The following RNF111 variants were observed in gnomAD, a reference collection of about 807,000 sequenced individuals.
RNF111 encodes ring finger protein 111.
RNF111 carries 17 observed loss-of-function variants against 95.1 expected under a neutral mutation model. That is an observed-to-expected ratio of 0.18 (90% CI 0.12 to 0.27). The LOEUF (loss-of-function observed/expected upper bound fraction) is 0.27, where lower values mean the gene tolerates loss of function less well. RNF111 is among the 10% of genes least tolerant of loss of function. The pLI is 1.00. For synonymous variants in RNF111, 440 were observed against 414.8 expected (o/e 1.06, Z -0.74); for missense variants, 1,189 against 1,210.4 (o/e 0.98, Z 0.26).
At chr15:59,033,912 G>A (rs764670956) in intron 2 of RNF111, among the ~76,000 whole-genome samples, 1 of 151,824 alleles carries the variant, frequency 6.6e-6, no homozygotes, top group Non-Finnish European at 1.5e-5. Context: ...CTGGTTTCTG[G>A]ACAAGTGATT....
chr15:59,076,067 A>T lies in RNF111; in HGVS notation c.1800A>T (p.Ala600=), dbSNP rs1466400153. 1 of 1,614,100 alleles carries T rather than the reference A, an allele frequency of 6.2e-7. No individual in the cohort carries two copies. The highest frequency in any genetic ancestry group is 2.2e-5 in the East Asian group (1 of 44,884). The change falls in exon 7 of 14, where the codon GCA becomes GCT. Residue 600 remains alanine (A), a synonymous_variant. Coordinates refer to ENST00000348370, the MANE Select transcript of RNF111 (RefSeq NM_017610.8). ...PCCPVSSSRA[A]IFGHQAAAAA... The stretch of plus-strand genomic sequence containing the variant: ...GCCCTGTTTCTTCCTCCCGAGCTGC[A>T]ATCTTTGGCCATCAGGCCGCTGCTG...
chr15:59,086,622 A>G (rs1421780493), intron 10 of RNF111, among the ~76,000 whole-genome samples: 1 of 152,234 alleles, frequency 6.6e-6, no homozygotes, highest in African/African-American at 2.4e-5. Context: ...AAGCTTTCAG[A>G]GAAGCTTTCT....
chr15:59,066,492 C>A (rs2142075250), intron 5 of RNF111, among the ~76,000 whole-genome samples: 1 of 152,166 alleles, frequency 6.6e-6, no homozygotes, highest in South Asian at 2.1e-4. Flanking sequence ...TGCCTGTAAT[C>A]CCAGCTACTC....
chr15:59,017,848 C>T (rs2040144103), intron 1 of RNF111, among the ~76,000 whole-genome samples: 1 of 148,152 alleles, frequency 6.7e-6, no homozygotes, highest in Non-Finnish European at 1.5e-5. Context: ...ACCTCCACTT[C>T]CTGGGTTCAA....
rs1475003071 is a variant in RNF111, at chr15:59,094,989, G to T, written c.*89G>T. The T allele has an allele frequency of 9.8e-6, 8 of 812,560 alleles. No homozygotes were observed. In the African/African-American group the frequency reaches 1.4e-4, roughly 14 times the overall value. 50.3% of individuals were successfully genotyped at this position (812,560 alleles called of 1,614,324 possible). On this transcript the variant is annotated 3_prime_UTR_variant, in exon 14 of 14. Coordinates refer to ENST00000348370, the MANE Select transcript of RNF111 (RefSeq NM_017610.8). ...AAAGATGGCATGACTTACCTGCGCA[G>T]ATTTGGAAGCATTGAACTTAGAGTG...
At position 59,084,115 on chromosome 15, in the gene RNF111, T is replaced by C; in HGVS notation, c.2298-14T>C. The C allele has an allele frequency of 6.4e-7, 1 of 1,574,684 alleles. No individual in the cohort carries two copies. Among genetic ancestry groups the C allele is most frequent in the Non-Finnish European group, 8.6e-7 (1 of 1,162,338 alleles). ...AATTATTTCCAGTGGTCTTTTTGTG[T>C]TCTGTGTTTCCAGGCGGGCACATGA... On this transcript the variant is annotated splice_polypyrimidine_tract_variant and intron_variant, in intron 8 of 13. Transcript: ENST00000348370.
At chr15:59,049,902 C>G (rs561033295) in intron 2 of RNF111, among the ~76,000 whole-genome samples, 25 of 151,182 alleles carry the variant, frequency 1.7e-4, no homozygotes, top group Non-Finnish European at 2.7e-4. Flanking sequence ...CCACCACACC[C>G]GGCTAATTTT....
chr15:59,016,721 C>T (rs1450869659), intron 1 of RNF111, among the ~76,000 whole-genome samples: 1 of 152,166 alleles, frequency 6.6e-6, no homozygotes, highest in Admixed American at 6.5e-5. Context: ...GGTTCCCCAA[C>T]CCCTGGGCCA....
At chr15:59,079,328 T>C (rs1021565842) in intron 7 of RNF111, among the ~76,000 whole-genome samples, 2 of 152,226 alleles carry the variant, frequency 1.3e-5, no homozygotes, top group Admixed American at 1.3e-4. Context: ...TTTTTTATGA[T>C]TAAGAGCTAG....
At chr15:59,028,699 T>G (rs1343440380) in intron 1 of RNF111, among the ~76,000 whole-genome samples, 2 of 152,338 alleles carry the variant, frequency 1.3e-5, no homozygotes, top group African/African-American at 4.8e-5. Flanking sequence ...TTTATAAGTT[T>G]TTTTATGAAT....
intron 8 of RNF111, among the ~76,000 whole-genome samples, chr15:59,081,596 C>G (rs1412453150): frequency 6.6e-6 from 1 of 151,844 alleles, no homozygotes; most frequent in African/African-American, 2.4e-5. Flanking sequence ...GAGGCTCATT[C>G]CCGTAATCCC....
At chr15:59,035,568 T>G (rs1249725330) in intron 2 of RNF111, among the ~76,000 whole-genome samples, 1 of 152,242 alleles carries the variant, frequency 6.6e-6, no homozygotes, top group Admixed American at 6.5e-5. Flanking sequence ...ATGGGTTTCC[T>G]TTTTTATCAC....
chr15:59,048,902 G>A (rs2141932190), intron 2 of RNF111, among the ~76,000 whole-genome samples: 1 of 152,112 alleles, frequency 6.6e-6, no homozygotes, highest in Admixed American at 6.6e-5. Flanking sequence ...ACCAGCCTGG[G>A]CAGTGTACTA....
chr15:59,012,104 C>T (rs975470560), intron 1 of RNF111, among the ~76,000 whole-genome samples: 5 of 141,704 alleles, frequency 3.5e-5, no homozygotes, highest in East Asian at 2.2e-4. Context: ...CTGTAACCTC[C>T]GCCTCCTGAG....
rs1477896639 is a variant in RNF111, at chr15:58,987,746, G to C, written c.-342G>C. ...GCGGCGGCGGCTGTAGGGGAGCAGC[G>C]GCAGTGGCGGCGACGGCGAGGAGGT... On this transcript the variant is annotated 5_prime_UTR_variant, in exon 1 of 14. Transcript: ENST00000348370. 5.6e-6 allele frequency: 1 copy of C among 179,602 alleles called. No individual in the cohort carries two copies. Among genetic ancestry groups the C allele is most frequent in the African/African-American group, 2.4e-5 (1 of 41,690 alleles). 11.1% of individuals were successfully genotyped at this position (179,602 alleles called of 1,614,324 possible).
At chr15:58,993,680 C>T (rs1381631699) in intron 1 of RNF111, among the ~76,000 whole-genome samples, 1 of 152,152 alleles carries the variant, frequency 6.6e-6, no homozygotes, top group East Asian at 1.9e-4. Context: ...AGGCACTGTG[C>T]CAGTGCTTGA....
At chr15:59,068,081 C>T (rs1262249969) in intron 6 of RNF111, among the ~76,000 whole-genome samples, 1 of 152,086 alleles carries the variant, frequency 6.6e-6, no homozygotes, top group African/African-American at 2.4e-5. Flanking sequence ...CTTCCATGTA[C>T]GATTATGATA....
intron 1 of RNF111, among the ~76,000 whole-genome samples, chr15:59,001,994 CCTTT>C (rs2039344222): frequency 6.6e-6 from 1 of 152,178 alleles, no homozygotes. Context: ...ATTGTACTCA[CCTTT>C]CTTGTGATGA....
intron 1 of RNF111, among the ~76,000 whole-genome samples, chr15:58,992,839 A>C (rs1177766313): frequency 1.3e-5 from 2 of 151,972 alleles, no homozygotes; most frequent in Non-Finnish European, 2.9e-5. Context: ...AAGTAAATGA[A>C]ATAAAATAAA....
Sources: allele counts gnomAD v4.1 joint callset (sites outside exome capture counted in the v4.1 genomes callset), GRCh38; gene constraint gnomAD v4.1.1; transcripts MANE v1.5; gene names NCBI Gene and HGNC (gene_info 2026-07-23, HGNC 2026-07-21).